The following MED13 variants were observed in gnomAD, a reference collection of about 807,000 sequenced individuals.
MED13 encodes mediator of RNA polymerase II transcription subunit 13.
In MED13, 23 loss-of-function variants were observed where a neutral mutation model predicts 225.2. The observed-to-expected ratio is 0.10, with a 90% CI of 0.07 to 0.14. The LOEUF is 0.14. MED13 is among the 10% of genes least tolerant of loss of function. The pLI, the probability that MED13 is intolerant of heterozygous loss-of-function variation, is 1.00. For synonymous variants in MED13, 942 were observed against 889.2 expected (o/e 1.06, Z -1.06); for missense variants, 2,197 against 2,594.5 (o/e 0.85, Z 3.33).
intron 9 of MED13, chr17:62,004,540 T>C (rs2080427131): frequency 6.6e-6 from 1 of 152,174 alleles, no homozygotes; most frequent in Admixed American, 6.5e-5. Context: ...CTTGGCTTTT[T>C]GAATAATTTA....
At chr17:61,967,876 T>A (rs960097856) in intron 18 of MED13, among the ~76,000 whole-genome samples, 159 bp downstream of exon 18, 2 of 152,120 alleles carry the variant, frequency 1.3e-5, no homozygotes, top group African/African-American at 2.4e-5. Context: ...ACAGACTGGG[T>A]CAAACTCAGC....
At chr17:61,964,935 C>CAAG (rs1488507072) in intron 20 of MED13, 71 bp downstream of exon 20, 1 of 1,422,784 alleles carries the variant, frequency 7.0e-7, no homozygotes, top group Non-Finnish European at 9.5e-7. Flanking sequence ...GACTGTGTCT[C>CAAG]AAGAAAAAAA....
chr17:61,944,396 G>C lies in MED13; in HGVS notation c.*2072C>G, dbSNP rs1169072693. 1 of 145,680 alleles carries C rather than the reference G, an allele frequency of 6.9e-6. No homozygotes were observed. Among genetic ancestry groups the C allele is most frequent in the Non-Finnish European group, 1.5e-5 (1 of 66,638 alleles). 9.0% of individuals were successfully genotyped at this position (145,680 alleles called of 1,614,324 possible). On this transcript the variant is annotated 3_prime_UTR_variant, in exon 30 of 30. Transcript: ENST00000397786. ...AGTTTTTTTTTTTTTTTTAAAGAAA[G>C]TACAGAACAAAACATACCAACATAA...
chr17:62,048,132 A>C (rs2080919116), intron 3 of MED13, among the ~76,000 whole-genome samples: 1 of 148,882 alleles, frequency 6.7e-6, no homozygotes, highest in Non-Finnish European at 1.5e-5. Flanking sequence ...GGGGCTGGAC[A>C]CAGTGGCTCA....
chr17:61,963,781 C>T (rs2080028793), intron 20 of MED13, among the ~76,000 whole-genome samples: 3 of 152,048 alleles, frequency 2.0e-5, no homozygotes, highest in Admixed American at 2.0e-4. Context: ...TAATTTTGGG[C>T]ACAACTGCAT....
chr17:62,063,020 A>T (rs1474453394), intron 2 of MED13, 47 bp downstream of exon 2: 2 of 1,407,874 alleles, frequency 1.4e-6, no homozygotes, highest in Middle Eastern at 1.8e-4. Context: ...TGGGAGAAGT[A>T]TACAATGTTG....
intron 24 of MED13, among the ~76,000 whole-genome samples, 173 bp downstream of exon 24, chr17:61,956,166 A>G (rs2079942222): frequency 6.6e-6 from 1 of 152,240 alleles, no homozygotes; most frequent in African/African-American, 2.4e-5. Flanking sequence ...AGTTAAAATA[A>G]GAGTAAAATG....
At chr17:61,963,202 C>CAAAAA (rs11290002) in intron 20 of MED13, among the ~76,000 whole-genome samples, 25 of 55,788 alleles carry the variant, frequency 4.5e-4, no homozygotes, top group African/African-American at 6.5e-4. Context: ...TTAAATTTAC[C>CAAAAA]AAAAAAAAAA....
chr17:62,006,304 GA>G (rs1355930612), intron 9 of MED13: 1 of 140,706 alleles, frequency 7.1e-6, no homozygotes, highest in Non-Finnish European at 1.5e-5. Flanking sequence ...GAGGGAAAAA[GA>G]AAAAGGAGAA....
intron 19 of MED13, among the ~76,000 whole-genome samples, chr17:61,965,953 A>T (rs2080054239): frequency 6.6e-6 from 1 of 151,728 alleles, no homozygotes; most frequent in African/African-American, 2.4e-5. Context: ...AAGTCCACTG[A>T]TCTTTATTTT....
At chr17:62,011,914 T>G (rs1221058247) in intron 8 of MED13, among the ~76,000 whole-genome samples, 2 of 152,066 alleles carry the variant, frequency 1.3e-5, no homozygotes, top group Non-Finnish European at 2.9e-5. Flanking sequence ...TCAAACAATT[T>G]TGTTAAGTTT....
At position 62,033,820 on chromosome 17, in the gene MED13, C is replaced by G. The variant is rs1484138058; in HGVS notation, c.781G>C (p.Asp261His). The change falls in exon 5 of 30, where the codon GAT becomes CAT. Residue 261 changes from aspartate (D) to histidine (H), a missense_variant. This residue lies in a region of MED13 where 884 missense variants were observed against 918.5 expected (regional missense o/e 0.96). Transcript: ENST00000397786. ...EEKQEDMDWE[D>H]DSLAAVEVLV... ...ACTTCTACTGCAGCTAAAGAATCAT[C>G]TTCCCAATCCATATCTTCCTGTTTT... 4.3e-6 allele frequency: 7 copies of G among 1,614,014 alleles called. No individual in the cohort carries two copies. Among genetic ancestry groups the G allele is most frequent in the Non-Finnish European group, 5.9e-6 (7 of 1,180,022 alleles).
rs542523574 is a variant in MED13, at chr17:61,972,972, T to A, written c.3806-84A>T. 8 of 1,170,162 alleles carry A rather than the reference T, an allele frequency of 6.8e-6. 1 individual carries two copies. The South Asian group carries it at 1.3e-4, about 20-fold the overall frequency. The allele number at this position is 1,170,162 out of a possible 1,614,324, so 72.5% of individuals were successfully genotyped here. A position where few individuals can be genotyped will look rare whatever the true frequency, so the allele number is the denominator to read the frequency against. On this transcript the variant is annotated intron_variant, in intron 16 of 29. Coordinates refer to ENST00000397786, the MANE Select transcript of MED13 (RefSeq NM_005121.3). ...ATTTTAAGATAATACAAAACACATA[T>A]AGGGAAGTTCAGGTCTTCAGCATCA...
rs776534219 is a variant in MED13 at position 62,011,228 on chromosome 17, T to C, written c.1289A>G (p.Lys430Arg). Residue 430 changes from lysine (K) to arginine (R), a missense_variant, in exon 9 of 30, where the codon AAA becomes AGA. Physicochemically the swap from Lys to Arg is conservative, Grantham distance 26 (BLOSUM62 2). Transcript: ENST00000397786. The stretch of plus-strand genomic sequence containing the variant: ...TCCAGCATTTCTTGACTTGAGATTT[T>C]TGTGCCTGAAAAGTGAAAATAAAGG... ...QRTNCSCLRH[K>R]NLKSRNAGQQ... is the part of the protein sequence containing the mutation. The C allele has an allele frequency of 8.7e-6, 14 of 1,603,986 alleles. No homozygotes were observed. The highest frequency in any genetic ancestry group is 1.7e-4 in the Middle Eastern group (1 of 6,030).
intron 11 of MED13, among the ~76,000 whole-genome samples, chr17:61,991,411 C>T (rs1194300357): frequency 1.3e-5 from 2 of 152,124 alleles, no homozygotes; most frequent in Admixed American, 6.5e-5. Flanking sequence ...CCCAACTTGG[C>T]TCACCACAAC....
intron 1 of MED13, among the ~76,000 whole-genome samples, chr17:62,063,837 C>CT (rs1378498449): frequency 6.6e-6 from 1 of 152,186 alleles, no homozygotes; most frequent in Non-Finnish European, 1.5e-5. Flanking sequence ...TTGTGCTAGT[C>CT]TATCTTCAAA....
intron 12 of MED13, among the ~76,000 whole-genome samples, chr17:61,986,395 T>C (rs866019689): frequency 6.6e-6 from 1 of 152,214 alleles, no homozygotes; most frequent in Non-Finnish European, 1.5e-5. Context: ...CCTTTTATGA[T>C]AATGCAGCAC....
At chr17:62,047,600 T>C (rs544685783) in intron 3 of MED13, among the ~76,000 whole-genome samples, 2 of 151,940 alleles carry the variant, frequency 1.3e-5, no homozygotes, top group Non-Finnish European at 2.9e-5. Flanking sequence ...AAATACCTAA[T>C]GCATATGGGG....
chr17:61,983,228 A>C, intron 15 of MED13, 114 bp from the exon 16 acceptor site: 1 of 847,050 alleles, frequency 1.2e-6, no homozygotes, highest in East Asian at 2.7e-5. Flanking sequence ...AAAATTATGA[A>C]AGGACAAGTA....
Sources: allele counts gnomAD v4.1 joint callset (sites outside exome capture counted in the v4.1 genomes callset), GRCh38; gene constraint gnomAD v4.1.1; regional missense constraint gnomAD v4.1.1; transcripts MANE v1.5; gene names NCBI Gene and HGNC (gene_info 2026-07-23, HGNC 2026-07-21).